Variants in FAM241A observed in about 807,000 individuals in gnomAD.
FAM241A encodes the protein uncharacterized protein FAM241A.
A neutral mutation model predicts 12.2 loss-of-function variants in FAM241A; 7 were observed. The ratio of observed to expected loss-of-function variants is 0.58; its 90% confidence interval spans 0.33 to 1.08. The LOEUF (loss-of-function observed/expected upper bound fraction) is 1.08. Ranked by LOEUF, FAM241A falls within the 50% of genes least tolerant of loss-of-function variation. The pLI, the probability that FAM241A is intolerant of heterozygous loss-of-function variation, is 0.04. For missense variants in FAM241A, 161 were observed against 169.7 expected (o/e 0.95, Z 0.29); for synonymous variants, 74 against 68.2 (o/e 1.08, Z -0.42).
intron 1 of FAM241A, among the ~76,000 whole-genome samples, chr4:112,183,285 A>G (rs1723977036): frequency 6.6e-6 from 1 of 151,878 alleles, no homozygotes; most frequent in Admixed American, 6.6e-5. Context: ...ATTTTTTTAT[A>G]ATTAAAAAAA....
chr4:112,190,620 A>G lies in FAM241A; in HGVS notation c.*3682A>G. On this transcript the variant is annotated 3_prime_UTR_variant, in exon 2 of 2. Coordinates refer to ENST00000309733, the MANE Select transcript of FAM241A (RefSeq NM_152400.3). Reference sequence around the variant, plus strand: ...AGGCTGAGGCAGGAGAGTCGCTTGAACCCGGAAGCCAAAGTTTGCAGTGAG... The same window carrying G: ...AGGCTGAGGCAGGAGAGTCGCTTGAGCCCGGAAGCCAAAGTTTGCAGTGAG... 1 of 150,068 alleles carries G rather than the reference A, an allele frequency of 6.7e-6. No individual in the cohort carries two copies. The highest frequency in any genetic ancestry group is 1.5e-5 in the Non-Finnish European group (1 of 67,684). The allele number at this position is 150,068 out of a possible 1,614,324, so 9.3% of individuals were successfully genotyped here.
intron 1 of FAM241A, among the ~76,000 whole-genome samples, chr4:112,168,267 G>T (rs945022292): frequency 6.6e-6 from 1 of 152,170 alleles, no homozygotes; most frequent in Non-Finnish European, 1.5e-5. Flanking sequence ...TACAAGACTA[G>T]ATTCCTACAG....
intron 1 of FAM241A, among the ~76,000 whole-genome samples, chr4:112,178,263 A>G (rs1723863454): frequency 6.6e-6 from 1 of 152,224 alleles, no homozygotes; most frequent in African/African-American, 2.4e-5. Flanking sequence ...ATGTGATTAA[A>G]TTTAAGGACT....
intron 1 of FAM241A, among the ~76,000 whole-genome samples, chr4:112,181,627 C>G (rs188011582): frequency 1.3e-3 from 202 of 152,286 alleles, no homozygotes; most frequent in African/African-American, 4.6e-3. Context: ...TGCTGTGAGA[C>G]TGAGTTGAAG....
intron 1 of FAM241A, among the ~76,000 whole-genome samples, chr4:112,154,171 C>T (rs1368931931): frequency 6.6e-6 from 1 of 152,144 alleles, no homozygotes; most frequent in Non-Finnish European, 1.5e-5. Context: ...TTCACTGCCA[C>T]AAATTGAGAA....
Position 112,186,975 on chromosome 4 carries a change from C to G in FAM241A, c.*37C>G. The G allele has an allele frequency of 6.3e-7, 1 of 1,580,568 alleles. No homozygotes were observed. On this transcript the variant is annotated 3_prime_UTR_variant, in exon 2 of 2. Coordinates refer to ENST00000309733, the MANE Select transcript of FAM241A (RefSeq NM_152400.3). ...ATTGAATTGTTTGACATTTGGTAGC[C>G]ATATATGTAATTGAAGAAGTTATAT...
chr4:112,186,805 G>T lies in FAM241A; in HGVS notation c.266G>T (p.Arg89Met). ...NKNLINMGFT[R>M]MYFGERIVEP... ...AACCTTATCAACATGGGCTTCACAA[G>T]GATGTATTTTGGAGAACGAATAGTG... Residue 89 changes from arginine (R) to methionine (M), a missense_variant, in exon 2 of 2, where the codon AGG becomes ATG. Coordinates refer to ENST00000309733, the MANE Select transcript of FAM241A (RefSeq NM_152400.3). 1 of 1,613,940 alleles carries T rather than the reference G, an allele frequency of 6.2e-7. No homozygotes were observed. The highest frequency in any genetic ancestry group is 8.5e-7 in the Non-Finnish European group (1 of 1,179,966).
At chr4:112,148,347 A>G (rs1334684764) in intron 1 of FAM241A, among the ~76,000 whole-genome samples, 1 of 152,088 alleles carries the variant, frequency 6.6e-6, no homozygotes, top group Non-Finnish European at 1.5e-5. Context: ...CTTATTTCAT[A>G]TATATATGAA....
At chr4:112,165,344 G>C (rs1199897316) in intron 1 of FAM241A, among the ~76,000 whole-genome samples, 1 of 152,176 alleles carries the variant, frequency 6.6e-6, no homozygotes, top group Non-Finnish European at 1.5e-5. Context: ...GAACAGTTTG[G>C]AGGTTCCTCA....
intron 1 of FAM241A, among the ~76,000 whole-genome samples, chr4:112,171,807 C>A (rs970290593): frequency 3.3e-5 from 5 of 151,794 alleles, no homozygotes; most frequent in African/African-American, 1.2e-4. Context: ...TGCAGTGAGC[C>A]GAGATCGCGC....
At chr4:112,147,786 A>G (rs1024845602) in intron 1 of FAM241A, among the ~76,000 whole-genome samples, 4 of 152,144 alleles carry the variant, frequency 2.6e-5, no homozygotes, top group African/African-American at 9.7e-5. Flanking sequence ...TAAGTTAATG[A>G]TTTAGAACTT....
chr4:112,169,993 T>C (rs1347230411), intron 1 of FAM241A, among the ~76,000 whole-genome samples: 1 of 152,098 alleles, frequency 6.6e-6, no homozygotes, highest in Admixed American at 6.5e-5. Flanking sequence ...AGAGGTTAAG[T>C]GGGATGGTAG....
intron 1 of FAM241A, among the ~76,000 whole-genome samples, chr4:112,174,856 A>G (rs1010792300): frequency 3.9e-5 from 6 of 152,076 alleles, no homozygotes; most frequent in African/African-American, 7.2e-5. Context: ...ACTGAAACCA[A>G]TTGAACAATA....
intron 1 of FAM241A, among the ~76,000 whole-genome samples, chr4:112,149,483 C>T (rs900039338): frequency 1.3e-5 from 2 of 152,134 alleles, no homozygotes; most frequent in African/African-American, 4.8e-5. Flanking sequence ...TTTTATAAAT[C>T]GTGCTGTCTG....
chr4:112,172,229 A>G (rs1017888123), intron 1 of FAM241A, among the ~76,000 whole-genome samples: 1 of 152,224 alleles, frequency 6.6e-6, no homozygotes, highest in Non-Finnish European at 1.5e-5. Flanking sequence ...AAATTAATAA[A>G]TGTGTCATGA....
intron 1 of FAM241A, among the ~76,000 whole-genome samples, chr4:112,174,520 C>T (rs1723782734): frequency 6.6e-6 from 1 of 152,176 alleles, no homozygotes; most frequent in Admixed American, 6.5e-5. Flanking sequence ...TTGTTGAAAG[C>T]AATACAGATC....
intron 1 of FAM241A, among the ~76,000 whole-genome samples, chr4:112,158,907 A>T (rs992709915): frequency 3.0e-4 from 45 of 152,216 alleles, no homozygotes; most frequent in African/African-American, 1.1e-3. Flanking sequence ...GCAGTCACTA[A>T]CTGTGCTATT....
intron 1 of FAM241A, among the ~76,000 whole-genome samples, chr4:112,150,942 A>G (rs1393675820): frequency 6.6e-6 from 1 of 152,228 alleles, no homozygotes; most frequent in African/African-American, 2.4e-5. Context: ...TTTTGGACCA[A>G]AGTCCTAACT....
At chr4:112,148,451 C>T (rs1723182834) in intron 1 of FAM241A, among the ~76,000 whole-genome samples, 1 of 152,066 alleles carries the variant, frequency 6.6e-6, no homozygotes, top group African/African-American at 2.4e-5. Context: ...GATGCTACTC[C>T]ATTTGAGCAA....
Sources: allele counts gnomAD v4.1 joint callset (sites outside exome capture counted in the v4.1 genomes callset), GRCh38; gene constraint gnomAD v4.1.1; transcripts MANE v1.5; gene names NCBI Gene and HGNC (gene_info 2026-07-23, HGNC 2026-07-21).